The following CYFIP1 variants were observed in gnomAD, a reference collection of about 807,000 sequenced individuals.
The protein encoded by CYFIP1 is cytoplasmic FMR1 interacting protein 1.
A neutral mutation model predicts 163.5 loss-of-function variants in CYFIP1; 58 were observed. The observed-to-expected ratio is 0.35, with a 90% CI of 0.29 to 0.44. The LOEUF is 0.44. Ranked by LOEUF, CYFIP1 falls within the 20% of genes least tolerant of loss-of-function variation. The pLI is 1.00. For synonymous variants in CYFIP1, 663 were observed against 660.7 expected (o/e 1.00, Z -0.05); for missense variants, 1,338 against 1,653.8 (o/e 0.81, Z 3.31).
At chr15:22,897,957 C>A (rs2060286335) in intron 22 of CYFIP1, among the ~76,000 whole-genome samples, 1 of 152,184 alleles carries the variant, frequency 6.6e-6, no homozygotes, top group Admixed American at 6.5e-5. Context: ...GGTCCCTGCT[C>A]TCTCATATGC....
intron 6 of CYFIP1, 108 bp downstream of exon 6, chr15:22,943,065 C>A: frequency 9.4e-7 from 1 of 1,063,562 alleles, no homozygotes; most frequent in Admixed American, 2.3e-5. Flanking sequence ...TGCTGCCTAC[C>A]AGAAGTGACG....
intron 3 of CYFIP1, 82 bp downstream of exon 3, chr15:22,946,921 G>T: frequency 8.5e-7 from 1 of 1,180,828 alleles, no homozygotes; most frequent in Non-Finnish European, 1.3e-6. Flanking sequence ...ATAGTCTATT[G>T]GGATAATACC....
At chr15:22,882,180 G>C (rs2059785806) in intron 24 of CYFIP1, among the ~76,000 whole-genome samples, 1 of 152,176 alleles carries the variant, frequency 6.6e-6, no homozygotes. Flanking sequence ...GTGGTCCCGG[G>C]GTGCCACAAT....
At chr15:22,926,454 T>G (rs1388240506) in intron 12 of CYFIP1, among the ~76,000 whole-genome samples, 1 of 152,120 alleles carries the variant, frequency 6.6e-6, no homozygotes, top group East Asian at 1.9e-4. Flanking sequence ...GGAGGATCAC[T>G]TGAGCCCAAG....
Position 22,943,159 on chromosome 15 carries a change from AGG to A in CYFIP1, c.569+12_569+13del. ...CTCTCGGGAGGGCCCGCAGTGCGCG[AGG>A]TGGGTGCTCACCTCTTGTACGCTGA... On this transcript the variant is annotated intron_variant, in intron 6 of 30. Transcript: ENST00000617928. The A allele has an allele frequency of 6.2e-7, 1 of 1,613,056 alleles. No homozygotes were observed. Among genetic ancestry groups the A allele is most frequent in the Non-Finnish European group, 8.5e-7 (1 of 1,179,296 alleles).
intron 22 of CYFIP1, among the ~76,000 whole-genome samples, chr15:22,894,437 G>A (rs1445007380): frequency 6.6e-6 from 1 of 151,628 alleles, no homozygotes; most frequent in Non-Finnish European, 1.5e-5. Flanking sequence ...TTACAGGCAT[G>A]TGCCACCAAC....
intron 1 of CYFIP1, among the ~76,000 whole-genome samples, chr15:22,971,742 C>T (rs1230892008): frequency 6.6e-6 from 1 of 151,992 alleles, no homozygotes; most frequent in Admixed American, 6.6e-5. Context: ...TGGTGGCTCA[C>T]ACCTGTAGTC....
chr15:22,950,507 GGAA>G (rs34316223), intron 1 of CYFIP1, among the ~76,000 whole-genome samples: 32,303 of 152,074 alleles, frequency 0.21, 3,703 homozygotes, highest in African/African-American at 0.25. Context: ...TGACAGAGCT[GGAA>G]GAAGAAATGC....
At chr15:22,938,257 G>A (rs1360925752) in intron 8 of CYFIP1, among the ~76,000 whole-genome samples, 2 of 152,186 alleles carry the variant, frequency 1.3e-5, no homozygotes, top group Non-Finnish European at 2.9e-5. Flanking sequence ...GTGACACAAG[G>A]TATCAAAGTC....
At chr15:22,939,160 A>G in intron 8 of CYFIP1, 32 bp downstream of exon 8, 1 of 1,613,702 alleles carries the variant, frequency 6.2e-7, no homozygotes, top group East Asian at 2.2e-5. Flanking sequence ...GTCCCTCGGC[A>G]GTGCCACGGG....
chr15:22,975,523 G>A (rs1340883251), intron 1 of CYFIP1, among the ~76,000 whole-genome samples: 1 of 151,770 alleles, frequency 6.6e-6, no homozygotes, highest in Non-Finnish European at 1.5e-5. Flanking sequence ...GGGAGGCAGA[G>A]GCAGAGGCGG....
In CYFIP1 at chr15:22,932,037, G is replaced by A. The variant is rs535112731; in HGVS notation, c.1110+186C>T. Among the ~76,000 whole-genome samples the A allele has an allele frequency of 7.2e-4, 109 of 152,312 alleles. 1 individual carries two copies. In the South Asian group the frequency reaches 0.021, roughly 29 times the overall value. On this transcript the variant is annotated intron_variant, in intron 11 of 30. Transcript: ENST00000617928. ...ACCATCCAGGCTAGCATGAGGACAC[G>A]ATGACGTTCCCACAATGATGAAACT... is the stretch of plus-strand genomic sequence containing the variant.
intron 26 of CYFIP1, among the ~76,000 whole-genome samples, chr15:22,876,619 G>T (rs1044717547): frequency 3.3e-5 from 5 of 152,164 alleles, no homozygotes; most frequent in African/African-American, 9.6e-5. Flanking sequence ...GAGGCGGGAG[G>T]TCGGGAGTTC....
intron 16 of CYFIP1, among the ~76,000 whole-genome samples, chr15:22,916,264 G>A (rs1020646934): frequency 1.2e-4 from 18 of 152,176 alleles, no homozygotes; most frequent in Admixed American, 2.0e-4. Context: ...GGGCCAGCCC[G>A]GGCTCCTCAG....
At chr15:22,888,158 G>A (rs1268945003) in intron 23 of CYFIP1, among the ~76,000 whole-genome samples, 3 of 152,158 alleles carry the variant, frequency 2.0e-5, no homozygotes, top group Non-Finnish European at 4.4e-5. Context: ...TTTTATTCCT[G>A]CAAGATACCA....
chr15:22,874,809 C>T (rs889587617), intron 27 of CYFIP1, among the ~76,000 whole-genome samples, 165 bp from the exon 28 acceptor site: 2 of 152,122 alleles, frequency 1.3e-5, no homozygotes, highest in African/African-American at 4.8e-5. Context: ...TATTTTAATT[C>T]AAACCGGCAG....
chr15:22,939,371 G>T (rs773912286), intron 7 of CYFIP1, 40 bp downstream of exon 7: 2 of 1,613,986 alleles, frequency 1.2e-6, no homozygotes, highest in East Asian at 2.2e-5. Flanking sequence ...CCGGCCGGCT[G>T]CTTGGCCCAT....
chr15:22,980,414 G>C (rs1324643778), upstream of CYFIP1: 1 of 151,884 alleles, frequency 6.6e-6, no homozygotes, highest in African/African-American at 2.4e-5. Flanking sequence ...CGGGGCGGGG[G>C]CTCTCCCGGC....
upstream of CYFIP1, among the ~76,000 whole-genome samples, chr15:22,980,770 C>A (rs1466773945): frequency 6.6e-6 from 1 of 152,084 alleles, no homozygotes; most frequent in East Asian, 1.9e-4. Context: ...CGTGTGGCGC[C>A]GCCCCACTTG....
Sources: gnomAD v4.1 joint callset for allele counts (sites outside exome capture counted in the v4.1 genomes callset) on GRCh38, gnomAD v4.1.1 for gene constraint, MANE v1.5 for transcripts, NCBI Gene and HGNC (gene_info 2026-07-23, HGNC 2026-07-21) for gene names.